The following CACNA2D2 variants were observed in gnomAD, a reference collection of about 807,000 sequenced individuals.
CACNA2D2 encodes calcium voltage-gated channel auxiliary subunit alpha2delta 2.
CACNA2D2 carries 48 observed loss-of-function variants against 166.4 expected under a neutral mutation model. The ratio of observed to expected loss-of-function variants is 0.29; its 90% CI spans 0.23 to 0.37. CACNA2D2 has a LOEUF of 0.37. Ranked by LOEUF, CACNA2D2 falls within the 10% of genes least tolerant of loss-of-function variation. The pLI is 1.00. For synonymous variants in CACNA2D2, 561 were observed against 573.7 expected, an observed-to-expected ratio of 0.98 and a Z score of 0.32; for missense variants, 1,122 against 1,433.0, an observed-to-expected ratio of 0.78 and a Z score of 3.50.
Position 50,379,062 on chromosome 3 carries a change from A to G in CACNA2D2, c.1260+30T>C, listed in dbSNP as rs1359397256. The G allele has an allele frequency of 6.2e-7, 1 of 1,613,424 alleles. No homozygotes were observed. The highest frequency in any genetic ancestry group is 8.5e-7 in the Non-Finnish European group (1 of 1,179,516). On this transcript the variant is annotated intron_variant, in intron 12 of 37. Transcript: ENST00000424201. The surrounding 1 kb of genome is among the most constrained non-coding windows in gnomAD (Gnocchi z 6.5). Reference sequence around the variant, plus strand: ...CCCTCTTCTGTACTGGGCCCAGGTCAGGGTAGCCCCTGCCTCGGTTGAGCC... The same window carrying G: ...CCCTCTTCTGTACTGGGCCCAGGTCGGGGTAGCCCCTGCCTCGGTTGAGCC...
At chr3:50,411,691 G>C (rs1469392038) in intron 3 of CACNA2D2, among the ~76,000 whole-genome samples, 1 of 152,198 alleles carries the variant, frequency 6.6e-6, no homozygotes, top group Non-Finnish European at 1.5e-5. Flanking sequence ...CCACAAACCT[G>C]GCAGAAGGAG....
In CACNA2D2 at chr3:50,393,632, C is replaced by G. The variant is rs143915883; in HGVS notation, c.465+477G>C. ...GAAGGAGAGGCTTCTGTGACCATGG[C>G]AGCCCAGTCCCCTGAGCCCAGCCTG... On this transcript the variant is annotated intron_variant, in intron 4 of 37. Transcript: ENST00000424201. 2.4e-4 allele frequency among the ~76,000 whole-genome samples: 37 copies of G among 152,340 alleles called. No homozygotes were observed. In the East Asian group the frequency reaches 6.9e-3, roughly 29 times the overall value.
intron 1 of CACNA2D2, among the ~76,000 whole-genome samples, chr3:50,488,533 G>C (rs943706304): frequency 1.3e-5 from 2 of 151,990 alleles, no homozygotes. Flanking sequence ...CTGAGGCTCA[G>C]CACAACAAAC....
intron 21 of CACNA2D2, 37 bp from the exon 22 acceptor site, chr3:50,374,850 G>A (rs958970966): frequency 1.6e-5 from 24 of 1,515,710 alleles, no homozygotes; most frequent in African/African-American, 2.7e-5. Context: ...GCTGGGGGGA[G>A]GCGGGCCACA....
chr3:50,369,607 A>AC (rs1361157318), intron 23 of CACNA2D2, among the ~76,000 whole-genome samples: 1 of 152,102 alleles, frequency 6.6e-6, no homozygotes, highest in Non-Finnish European at 1.5e-5. Flanking sequence ...AGCTGCATCC[A>AC]CCCACCTGCC....
chr3:50,474,815 C>T (rs1317735522), intron 2 of CACNA2D2, among the ~76,000 whole-genome samples: 1 of 152,208 alleles, frequency 6.6e-6, no homozygotes, highest in African/African-American at 2.4e-5. Flanking sequence ...AAATTGACTC[C>T]TGTTCCGGAA....
rs1704300650 is a variant in CACNA2D2 at position 50,366,510 on chromosome 3, G to A, written c.2637+68C>T. The A allele has an allele frequency of 1.3e-6, 2 of 1,562,802 alleles. No homozygotes were observed. Among genetic ancestry groups the A allele is most frequent in the African/African-American group, 1.4e-5 (1 of 74,016 alleles). ...CAGGCCAAGGGATGTGCTGGGAGTC[G>A]CGGCTGGGACTAGGAAGTCTGGAAG... On this transcript the variant is annotated intron_variant, in intron 30 of 37. Transcript: ENST00000424201. The surrounding 1 kb of genome is among the most constrained non-coding windows in gnomAD (Gnocchi z 5.9).
chr3:50,484,932 G>A (rs981469749), intron 1 of CACNA2D2, among the ~76,000 whole-genome samples: 1 of 152,224 alleles, frequency 6.6e-6, no homozygotes, highest in Admixed American at 6.5e-5. Flanking sequence ...GGAGCTTGCG[G>A]AGAGGTTGGC....
At chr3:50,491,483 C>T (rs1332401749) in intron 1 of CACNA2D2, among the ~76,000 whole-genome samples, 1 of 152,178 alleles carries the variant, frequency 6.6e-6, no homozygotes, top group Non-Finnish European at 1.5e-5. Context: ...AAACATGCTG[C>T]CTCCCTCCCC....
chr3:50,382,065 C>G (rs1232968368), intron 6 of CACNA2D2, among the ~76,000 whole-genome samples: 2 of 151,958 alleles, frequency 1.3e-5, no homozygotes, highest in African/African-American at 4.8e-5. Context: ...CCTGCGGACC[C>G]TTCAACCTGG....
Position 50,485,908 on chromosome 3 carries a change from C to T in CACNA2D2, c.207-9709G>A, listed in dbSNP as rs182511240. Among the ~76,000 whole-genome samples, 5 of 152,256 alleles carry T rather than the reference C, an allele frequency of 3.3e-5. No individual in the cohort carries two copies. In the South Asian group the frequency reaches 6.2e-4, roughly 19 times the overall value. ...AGGCAAAGGGTCCAGACCAGGGGCA[C>T]GGGGACAGGAATCCAGGAGGTGGAT... On this transcript the variant is annotated intron_variant, in intron 1 of 37. Transcript: ENST00000424201.
chr3:50,391,335 C>A (rs762897), intron 4 of CACNA2D2, among the ~76,000 whole-genome samples: 25,748 of 152,236 alleles, frequency 0.17, 2,885 homozygotes, highest in East Asian at 0.47. Flanking sequence ...CCACTCCCCC[C>A]TCCCCTTCCC....
At chr3:50,410,905 T>G (rs1042529907) in intron 3 of CACNA2D2, among the ~76,000 whole-genome samples, 2 of 152,252 alleles carry the variant, frequency 1.3e-5, no homozygotes, top group Non-Finnish European at 2.9e-5. Flanking sequence ...CATAAACACA[T>G]GTGCACATGT....
intron 3 of CACNA2D2, among the ~76,000 whole-genome samples, chr3:50,424,447 C>G (rs117840072): frequency 6.6e-6 from 1 of 152,290 alleles, no homozygotes; most frequent in East Asian, 1.9e-4. Flanking sequence ...CACCCCAACA[C>G]ACACGCACGC....
chr3:50,428,922 A>G (rs1286347594), intron 3 of CACNA2D2, among the ~76,000 whole-genome samples: 2 of 152,208 alleles, frequency 1.3e-5, no homozygotes, highest in African/African-American at 4.8e-5. Context: ...CTGGAGCCCA[A>G]CTATCTGGAT....
rs757008406 is a variant in CACNA2D2, at chr3:50,374,792, G to C, written c.1929C>G (p.Pro643=). The change falls in exon 22 of 38, where the codon CCC becomes CCG. Residue 643 remains proline (P), a synonymous_variant. Transcript: ENST00000424201. ...TNYSLGLVLP[P]YSTFYLQANL... The stretch of plus-strand genomic sequence containing the variant: ...TGGCTTGGAGGTAGAAGGTGCTGTA[G>C]GGTGGGAGCACCAGCCCCAGGCTGA... The C allele has an allele frequency of 6.3e-7, 1 of 1,595,446 alleles. No individual in the cohort carries two copies. The highest frequency in any genetic ancestry group is 1.1e-5 in the South Asian group (1 of 88,016).
rs566164301 is a variant in CACNA2D2, at chr3:50,503,105, C to G, written c.206+113G>C. The G allele has an allele frequency of 6.4e-4, 348 of 544,358 alleles. 1 individual carries two copies. The African/African-American group carries it at 6.6e-3, about 10-fold the overall frequency. 33.7% of individuals were successfully genotyped at this position (544,358 alleles called of 1,614,324 possible). A position where few individuals can be genotyped will look rare whatever the true frequency, so the allele number is the denominator to read the frequency against. On this transcript the variant is annotated intron_variant, in intron 1 of 37. Transcript: ENST00000424201. ...GTCGCCCCCGGGCGCAGCGGGCAGC[C>G]GGACCCAGCGCCTCTGCCCTGGCGC...
In CACNA2D2 at chr3:50,365,305, C is replaced by G. The variant is rs748103379; in HGVS notation, c.3098+51G>C. The G allele has an allele frequency of 5.6e-6, 9 of 1,603,848 alleles. No individual in the cohort carries two copies. Among genetic ancestry groups the G allele is most frequent in the Non-Finnish European group, 7.7e-6 (9 of 1,175,524 alleles). On this transcript the variant is annotated intron_variant, in intron 35 of 37. Coordinates refer to ENST00000424201, the MANE Select transcript of CACNA2D2 (RefSeq NM_006030.4). The surrounding 1 kb of genome is among the most constrained non-coding windows in gnomAD (Gnocchi z 4.5). ...CCTTCCATCCTCCCGAGCGTCTCGC[C>G]CCGCTCACAGGTTCCGCCCTTGGCC... is the stretch of plus-strand genomic sequence containing the variant.
intron 2 of CACNA2D2, among the ~76,000 whole-genome samples, chr3:50,451,914 C>T (rs932605617): frequency 2.0e-5 from 3 of 152,146 alleles, no homozygotes; most frequent in East Asian, 3.8e-4. Flanking sequence ...GTGACTCACC[C>T]GAGGCCTCAG....
Sources: allele counts gnomAD v4.1 joint callset (sites outside exome capture counted in the v4.1 genomes callset), GRCh38; gene constraint gnomAD v4.1.1; non-coding constraint Gnocchi (gnomAD v3.1); transcripts MANE v1.5; gene names NCBI Gene and HGNC (gene_info 2026-07-23, HGNC 2026-07-21).